Variants in DACH2 observed in about 807,000 individuals in gnomAD.
DACH2 encodes dachshund homolog 2.
Under a neutral mutation model 35.8 loss-of-function variants are expected in DACH2, and 17 were observed. That is an observed-to-expected ratio of 0.48 (90% CI 0.33 to 0.71). DACH2 has a LOEUF of 0.71. Ranked by LOEUF, DACH2 falls within the 30% of genes least tolerant of loss-of-function variation. DACH2 has a pLI of 0.02. For synonymous variants in DACH2, 195 were observed against 177.3 expected (o/e 1.10, Z -0.79); for missense variants, 469 against 472.7 (o/e 0.99, Z 0.07).
At chrX:86,761,684 C>T (rs967416229) in intron 7 of DACH2, among the ~76,000 whole-genome samples, 12 of 111,703 alleles carry the variant, frequency 1.1e-4, no homozygotes, top group Non-Finnish European at 1.9e-4. Context: ...AAAGAAAATC[C>T]GGCATATAAA....
chrX:86,696,340 C>A (rs745998650), intron 5 of DACH2, among the ~76,000 whole-genome samples: 2 of 111,632 alleles, frequency 1.8e-5, no homozygotes, highest in Non-Finnish European at 3.8e-5. Flanking sequence ...TGGTTATAAT[C>A]TCAAGCATAA....
chrX:86,583,708 A>G (rs762457019), intron 3 of DACH2, among the ~76,000 whole-genome samples: 57 of 109,807 alleles, frequency 5.2e-4, no homozygotes, highest in African/African-American at 1.7e-3. Context: ...GGTGAAATAC[A>G]TATATTAATT....
intron 1 of DACH2, among the ~76,000 whole-genome samples, chrX:86,183,500 C>T (rs1172283690): frequency 1.8e-5 from 2 of 111,704 alleles, no homozygotes; most frequent in Non-Finnish European, 3.8e-5. Context: ...TATGTTGAAC[C>T]AGCCTTGCAT....
At chrX:86,414,882 G>C (rs761285219) in intron 2 of DACH2, among the ~76,000 whole-genome samples, 1 of 111,405 alleles carries the variant, frequency 9.0e-6, no homozygotes, top group South Asian at 3.8e-4. Context: ...AACCACTCAC[G>C]GTACCAAAAT....
chrX:86,688,861 G>A (rs377348161), intron 4 of DACH2, among the ~76,000 whole-genome samples: 1 of 112,190 alleles, frequency 8.9e-6, no homozygotes, highest in East Asian at 2.8e-4. Flanking sequence ...GTCCCTAGCT[G>A]CATGTGGACT....
intron 7 of DACH2, 66 bp from the exon 8 acceptor site, chrX:86,812,790 G>A: frequency 2.5e-6 from 2 of 803,074 alleles, no homozygotes; most frequent in Non-Finnish European, 1.7e-6. Flanking sequence ...GCTTAGTAGA[G>A]GTGGCTTAGT....
intron 1 of DACH2, among the ~76,000 whole-genome samples, chrX:86,192,977 T>G (rs1368150729): frequency 8.9e-6 from 1 of 112,225 alleles, no homozygotes; most frequent in Non-Finnish European, 1.9e-5. Context: ...GTATACACTA[T>G]TTGCAAGAAT....
At position 86,530,475 on chromosome X, in the gene DACH2, A is replaced by G. The variant is rs748968613; in HGVS notation, c.640+16084A>G. Among the ~76,000 whole-genome samples, 8 of 111,343 alleles carry G rather than the reference A, an allele frequency of 7.2e-5. No individual in the cohort carries two copies. The South Asian group carries it at 2.7e-3, about 37-fold the overall frequency. ...TCATGAGATCTGATGGTTTTAAAGC[A>G]TGGTACTTCCTTTCTCTCTCTCTTT... On this transcript the variant is annotated intron_variant, in intron 3 of 11. Transcript: ENST00000373125.
chrX:86,210,426 C>T (rs1264296085), intron 1 of DACH2, among the ~76,000 whole-genome samples: 1 of 110,865 alleles, frequency 9.0e-6, no homozygotes, highest in East Asian at 2.8e-4. Flanking sequence ...AAAAAGCTCC[C>T]TCATTTAACC....
chrX:86,684,715 A>G (rs2040921911), intron 4 of DACH2, among the ~76,000 whole-genome samples: 1 of 110,579 alleles, frequency 9.0e-6, no homozygotes, highest in Non-Finnish European at 1.9e-5. Context: ...ATTACAATGT[A>G]TATTTTTAAA....
At chrX:86,630,462 A>G (rs2040187966) in intron 3 of DACH2, among the ~76,000 whole-genome samples, 1 of 109,827 alleles carries the variant, frequency 9.1e-6, no homozygotes, top group Admixed American at 9.8e-5. Context: ...GTGGCATATG[A>G]TAAGTGCTAG....
intron 1 of DACH2, among the ~76,000 whole-genome samples, chrX:86,297,550 T>A (rs6617216): frequency 0.47 from 51,967 of 110,279 alleles, 9,415 homozygotes; most frequent in Non-Finnish European, 0.57. Context: ...AGATAATTTA[T>A]TGGAAAGCAG....
At chrX:86,564,123 T>C (rs1360932337) in intron 3 of DACH2, among the ~76,000 whole-genome samples, 1 of 110,996 alleles carries the variant, frequency 9.0e-6, no homozygotes, top group East Asian at 2.9e-4. Flanking sequence ...TCAAATATGG[T>C]ATAAAATCTG....
intron 1 of DACH2, among the ~76,000 whole-genome samples, chrX:86,368,362 C>G (rs917210526): frequency 1.8e-5 from 2 of 110,678 alleles, no homozygotes; most frequent in African/African-American, 6.6e-5. Flanking sequence ...CTCTTTGTAT[C>G]CTCCATAGCA....
At chrX:86,670,028 C>T (rs190055709) in intron 4 of DACH2, among the ~76,000 whole-genome samples, 10 of 110,806 alleles carry the variant, frequency 9.0e-5, no homozygotes, top group East Asian at 2.8e-4. Flanking sequence ...TAGTGATAAA[C>T]GCTAATAAAA....
intron 3 of DACH2, among the ~76,000 whole-genome samples, chrX:86,540,801 ATG>A (rs1359876922): frequency 8.9e-6 from 1 of 112,017 alleles, no homozygotes. Context: ...TGTGAAAAAG[ATG>A]TGAGTCTTCA....
At chrX:86,676,076 G>C (rs1203675956) in intron 4 of DACH2, among the ~76,000 whole-genome samples, 2 of 111,468 alleles carry the variant, frequency 1.8e-5, no homozygotes, top group Non-Finnish European at 3.8e-5. Flanking sequence ...GTATTCCCCA[G>C]AAATTGTAGC....
chrX:86,478,713 A>G (rs1432487397), intron 2 of DACH2, among the ~76,000 whole-genome samples: 1 of 108,912 alleles, frequency 9.2e-6, no homozygotes, highest in Admixed American at 9.9e-5. Flanking sequence ...CCTGCTGCTC[A>G]AATTCCTAGG....
chrX:86,725,030 TA>T (rs199585798), intron 6 of DACH2, among the ~76,000 whole-genome samples: 55 of 101,643 alleles, frequency 5.4e-4, no homozygotes, highest in African/African-American at 1.4e-3. Flanking sequence ...GAATTTCTAT[TA>T]AAAAAAAAAA....
Sources: gnomAD v4.1 joint callset for allele counts (sites outside exome capture counted in the v4.1 genomes callset) on GRCh38, gnomAD v4.1.1 for gene constraint, MANE v1.5 for transcripts, NCBI Gene and HGNC (gene_info 2026-07-23, HGNC 2026-07-21) for gene names.